The following APBA2 variants were observed in gnomAD, a reference collection of about 807,000 sequenced individuals.
APBA2 encodes amyloid beta precursor protein binding family A member 2.
A neutral mutation model predicts 75.0 loss-of-function variants in APBA2; 30 were observed. That is an observed-to-expected ratio of 0.40 (90% CI 0.30 to 0.54). APBA2 has a LOEUF of 0.54. Among genes scored for constraint, APBA2 ranks in the 20% least tolerant of loss-of-function variants. The pLI is 0.49. For synonymous variants in APBA2, 444 were observed against 409.6 expected (o/e 1.08, Z -1.01); for missense variants, 801 against 1,016.1 (o/e 0.79, Z 2.88).
At chr15:29,090,356 C>T (rs1278880815) in intron 6 of APBA2, among the ~76,000 whole-genome samples, 2 of 152,236 alleles carry the variant, frequency 1.3e-5, no homozygotes, top group Admixed American at 1.3e-4. Flanking sequence ...TACTGACGCT[C>T]ACTTCAGGGG....
chr15:29,109,540 G>A (rs1232738503), intron 13 of APBA2, among the ~76,000 whole-genome samples: 1 of 152,198 alleles, frequency 6.6e-6, no homozygotes, highest in East Asian at 1.9e-4. Flanking sequence ...TGTCTCGCTG[G>A]CACTGCAGGA....
intron 3 of APBA2, among the ~76,000 whole-genome samples, chr15:29,050,418 A>G (rs1382463805): frequency 6.6e-6 from 1 of 152,242 alleles, no homozygotes; most frequent in Non-Finnish European, 1.5e-5. Flanking sequence ...AAAGAAATGC[A>G]AAAAGTATAG....
intron 2 of APBA2, among the ~76,000 whole-genome samples, chr15:28,985,276 CA>C (rs1364831357): frequency 6.6e-6 from 1 of 152,192 alleles, no homozygotes; most frequent in East Asian, 1.9e-4. Context: ...CCAGGGCACA[CA>C]ATGCTTTCAG....
rs148383272 is a variant in APBA2, at chr15:29,065,026, T to C, written c.952-9895T>C. On this transcript the variant is annotated intron_variant, in intron 4 of 14. Transcript: ENST00000683413. ...CATAGTGTGTGTGTGTGTGTGTGTG[T>C]GCACGCACGCTTGTATGTGAGATAT... Among the ~76,000 whole-genome samples, 941 of 151,928 alleles carry C rather than the reference T, an allele frequency of 6.2e-3. 8 individuals are homozygous for C. The highest frequency in any genetic ancestry group is 0.02 in the African/African-American group (839 of 41,342).
At chr15:28,890,374 C>T (rs1006890143) in intron 1 of APBA2, among the ~76,000 whole-genome samples, 7 of 152,286 alleles carry the variant, frequency 4.6e-5, no homozygotes, top group Non-Finnish European at 5.9e-5. Flanking sequence ...TCTGTGTCTC[C>T]CTGCAGTCAC....
intron 10 of APBA2, among the ~76,000 whole-genome samples, chr15:29,104,107 A>G (rs2044278516): frequency 2.6e-5 from 4 of 152,202 alleles, no homozygotes; most frequent in South Asian, 4.1e-4. Flanking sequence ...GTCTTTCCCA[A>G]TGCATACATT....
At chr15:28,888,282 C>G (rs1349008901) in intron 1 of APBA2, among the ~76,000 whole-genome samples, 4 of 152,208 alleles carry the variant, frequency 2.6e-5, no homozygotes, top group Admixed American at 2.6e-4. Flanking sequence ...AGACACTGAT[C>G]ACACCCCTGG....
intron 3 of APBA2, among the ~76,000 whole-genome samples, chr15:29,017,141 G>A (rs767043559): frequency 2.0e-4 from 30 of 152,158 alleles, no homozygotes; most frequent in Non-Finnish European, 2.8e-4. Context: ...GCAGCTTGAG[G>A]TCCTTGCTCC....
At chr15:28,961,752 A>G (rs2036484898) in intron 2 of APBA2, among the ~76,000 whole-genome samples, 2 of 152,184 alleles carry the variant, frequency 1.3e-5, no homozygotes, top group Non-Finnish European at 2.9e-5. Flanking sequence ...GCAGATTTCC[A>G]GCTGCCATTT....
At chr15:29,043,038 T>C (rs892399594) in intron 3 of APBA2, among the ~76,000 whole-genome samples, 3 of 152,162 alleles carry the variant, frequency 2.0e-5, no homozygotes, top group Non-Finnish European at 4.4e-5. Context: ...CCAGAAGTTC[T>C]TGTGGGAGAG....
intron 1 of APBA2, among the ~76,000 whole-genome samples, chr15:28,916,423 A>G (rs1165809403): frequency 1.3e-5 from 2 of 152,218 alleles, no homozygotes; most frequent in Non-Finnish European, 2.9e-5. Context: ...GCTGCTGAAT[A>G]TTAGATGCAT....
intron 3 of APBA2, among the ~76,000 whole-genome samples, chr15:29,022,847 GC>G (rs1566916600): frequency 6.6e-6 from 1 of 151,024 alleles, no homozygotes; most frequent in Non-Finnish European, 1.5e-5. Context: ...ATATTAAAAT[GC>G]AGTATTATTT....
At chr15:29,098,453 G>A in intron 8 of APBA2, 37 bp from the exon 9 acceptor site, 2 of 1,523,088 alleles carry the variant, frequency 1.3e-6, no homozygotes, top group Non-Finnish European at 1.8e-6. Flanking sequence ...TTCCGAGTTG[G>A]TTTTTGGACT....
At chr15:29,025,292 A>C (rs1299910840) in intron 3 of APBA2, among the ~76,000 whole-genome samples, 1 of 145,220 alleles carries the variant, frequency 6.9e-6, no homozygotes, top group Non-Finnish European at 1.5e-5. Flanking sequence ...TTGAGATGGA[A>C]TCTTGTTCTG....
intron 2 of APBA2, among the ~76,000 whole-genome samples, chr15:28,964,413 T>C (rs4779633): frequency 0.027 from 4,079 of 152,256 alleles, 272 homozygotes; most frequent in East Asian, 0.24. Context: ...CCTAATAATG[T>C]TGGGGATCTT....
At chr15:28,970,772 A>T (rs926296181) in intron 2 of APBA2, among the ~76,000 whole-genome samples, 2 of 151,920 alleles carry the variant, frequency 1.3e-5, no homozygotes, top group Non-Finnish European at 2.9e-5. Flanking sequence ...TTAAAAAAAA[A>T]AAATAAAAGC....
intron 2 of APBA2, among the ~76,000 whole-genome samples, chr15:28,994,175 G>T (rs898753166): frequency 1.3e-5 from 2 of 152,312 alleles, no homozygotes; most frequent in Admixed American, 1.3e-4. Flanking sequence ...ACATTCTAGA[G>T]GTTCCCTTGC....
At chr15:29,082,673 A>G (rs576133862) in intron 6 of APBA2, among the ~76,000 whole-genome samples, 1 of 152,266 alleles carries the variant, frequency 6.6e-6, no homozygotes, top group South Asian at 2.1e-4. Flanking sequence ...TTTGCTAAAC[A>G]TGTCATTTAG....
At chr15:29,101,555 T>G in intron 9 of APBA2, 44 bp from the exon 10 acceptor site, 1 of 1,591,818 alleles carries the variant, frequency 6.3e-7, no homozygotes, top group Non-Finnish European at 8.6e-7. Flanking sequence ...CAATGGATTG[T>G]CCCAGTAGTG....
Sources: allele counts gnomAD v4.1 joint callset (sites outside exome capture counted in the v4.1 genomes callset), GRCh38; gene constraint gnomAD v4.1.1; transcripts MANE v1.5; gene names NCBI Gene and HGNC (gene_info 2026-07-23, HGNC 2026-07-21).